The following BRAF variants were observed in gnomAD, a reference collection of about 807,000 sequenced individuals.
BRAF encodes serine/threonine-protein kinase B-raf.
Under a neutral mutation model 104.6 loss-of-function variants are expected in BRAF, and 16 were observed. That is an observed-to-expected ratio of 0.15 (90% confidence interval 0.10 to 0.23). The LOEUF (loss-of-function observed/expected upper bound fraction) is 0.23, where lower values mean the gene tolerates loss of function less well. BRAF is among the 10% of genes least tolerant of loss of function. The probability of loss-of-function intolerance (pLI) is 1.00; values close to 1 mark genes in which losing one functional copy is unlikely to be tolerated. For synonymous variants in BRAF, 310 were observed against 341.6 expected (o/e 0.91, Z 1.02); for missense variants, 541 against 937.3 (o/e 0.58, Z 5.52).
chr7:140,777,826 T>C (rs1800479006), intron 13 of BRAF, among the ~76,000 whole-genome samples, 165 bp downstream of exon 12: 1 of 152,222 alleles, frequency 6.6e-6, no homozygotes, highest in African/African-American at 2.4e-5. Context: ...TGCATACTAC[T>C]TAAAAGAATG....
chr7:140,889,475 CAG>C (rs1813967903), intron 1 of BRAF, among the ~76,000 whole-genome samples: 1 of 152,022 alleles, frequency 6.6e-6, no homozygotes, highest in East Asian at 1.9e-4. Flanking sequence ...ATAAATAAAA[CAG>C]ATATCTACTA....
At chr7:140,889,527 A>G (rs914482737) in intron 1 of BRAF, among the ~76,000 whole-genome samples, 1 of 152,188 alleles carries the variant, frequency 6.6e-6, no homozygotes, top group African/African-American at 2.4e-5. Flanking sequence ...TAGAGAACAA[A>G]ATTTTTAAGT....
chr7:140,884,816 T>A (rs2129107523), intron 1 of BRAF, among the ~76,000 whole-genome samples: 2 of 152,126 alleles, frequency 1.3e-5, no homozygotes, highest in Middle Eastern at 6.8e-3. Context: ...TCGCTATCAG[T>A]ATTTACCACA....
At chr7:140,868,928 ATATAT>A (rs1223948920) in intron 1 of BRAF, among the ~76,000 whole-genome samples, 1 of 152,174 alleles carries the variant, frequency 6.6e-6, no homozygotes, top group Non-Finnish European at 1.5e-5. Context: ...CAGATGCTAA[ATATAT>A]TATAAAGGTA....
At chr7:140,859,409 A>T (rs544045494) in intron 1 of BRAF, among the ~76,000 whole-genome samples, 1 of 152,186 alleles carries the variant, frequency 6.6e-6, no homozygotes, top group East Asian at 1.9e-4. Context: ...CAGTGCACAC[A>T]TCTATATGGG....
chr7:140,807,481 AT>A (rs1360584769), intron 5 of BRAF, among the ~76,000 whole-genome samples: 1 of 152,144 alleles, frequency 6.6e-6, no homozygotes, highest in African/African-American at 2.4e-5. Context: ...TTAAAAAAAA[AT>A]AAGGCAAAGA....
intron 1 of BRAF, among the ~76,000 whole-genome samples, chr7:140,889,709 A>G (rs887989308): frequency 1.3e-5 from 2 of 152,218 alleles, no homozygotes; most frequent in African/African-American, 4.8e-5. Context: ...CCAGGGTACT[A>G]AGGAGATTCA....
chr7:140,906,489 A>T (rs151007297), intron 1 of BRAF, among the ~76,000 whole-genome samples: 29 of 152,298 alleles, frequency 1.9e-4, no homozygotes, highest in African/African-American at 7.0e-4. Context: ...TTCTTGTCAC[A>T]TATTTTAATT....
intron 3 of BRAF, among the ~76,000 whole-genome samples, chr7:140,830,907 G>A (rs1806662045): frequency 6.6e-6 from 1 of 152,150 alleles, no homozygotes; most frequent in African/African-American, 2.4e-5. Context: ...ACCAGTAAAT[G>A]TTAAGTGTTT....
At chr7:140,729,779 A>G (rs1290448885) in intron 19 of BRAF, among the ~76,000 whole-genome samples, 2 of 152,188 alleles carry the variant, frequency 1.3e-5, no homozygotes, top group Non-Finnish European at 2.9e-5. Flanking sequence ...CTCTGTCTCA[A>G]AAACAAAAAA....
intron 1 of BRAF, among the ~76,000 whole-genome samples, chr7:140,882,295 TC>T (rs1320346481): frequency 2.6e-5 from 4 of 152,120 alleles, no homozygotes; most frequent in Non-Finnish European, 5.9e-5. Context: ...AAACTGTGTG[TC>T]ACTTTAGCCA....
At chr7:140,738,580 A>T (rs1033597952) in intron 18 of BRAF, among the ~76,000 whole-genome samples, 1 of 152,278 alleles carries the variant, frequency 6.6e-6, no homozygotes, top group African/African-American at 2.4e-5. Context: ...TATCTACTAC[A>T]GCTAAACTCT....
intron 14 of BRAF, among the ~76,000 whole-genome samples, chr7:140,762,765 T>A (rs1046592311): frequency 8.5e-5 from 13 of 152,152 alleles, no homozygotes; most frequent in African/African-American, 2.9e-4. Flanking sequence ...CCTTCCGCAG[T>A]GTTTGTGTTC....
chr7:140,768,453 T>C (rs1299774461), intron 14 of BRAF, among the ~76,000 whole-genome samples: 1 of 152,078 alleles, frequency 6.6e-6, no homozygotes, highest in Non-Finnish European at 1.5e-5. Flanking sequence ...GGCATTTGGG[T>C]CTGGGTCATG....
chr7:140,820,373 C>T (rs1420677582), intron 3 of BRAF, among the ~76,000 whole-genome samples: 1 of 152,010 alleles, frequency 6.6e-6, no homozygotes, highest in Non-Finnish European at 1.5e-5. Flanking sequence ...AAAAGTATTC[C>T]CACAGTGTTT....
At chr7:140,847,587 A>G (rs565611527) in intron 2 of BRAF, among the ~76,000 whole-genome samples, 100 of 148,348 alleles carry the variant, frequency 6.7e-4, no homozygotes, top group South Asian at 2.1e-3. Flanking sequence ...TCTCAGGAGG[A>G]AAAAAAAAAA....
intron 15 of BRAF, chr7:140,753,800 A>G: frequency 3.2e-6 from 1 of 314,796 alleles, no homozygotes; most frequent in Non-Finnish European, 6.0e-6. Flanking sequence ...GAGAAATATT[A>G]TGTTTTTCTC....
intron 1 of BRAF, among the ~76,000 whole-genome samples, chr7:140,886,770 G>A (rs910961210): frequency 4.6e-5 from 7 of 152,152 alleles, no homozygotes; most frequent in African/African-American, 1.7e-4. Context: ...GCGTGTGTGT[G>A]TATGTATGTA....
chr7:140,743,993 T>C (rs1335992766), intron 17 of BRAF, among the ~76,000 whole-genome samples: 5 of 152,242 alleles, frequency 3.3e-5, no homozygotes, highest in East Asian at 1.9e-4. Context: ...TTGAGTGATA[T>C]ATAGTATGTG....
Sources: gnomAD v4.1 joint callset for allele counts (sites outside exome capture counted in the v4.1 genomes callset) on GRCh38, gnomAD v4.1.1 for gene constraint, MANE v1.5 for transcripts, NCBI Gene and HGNC (gene_info 2026-07-23, HGNC 2026-07-21) for gene names.